Variants in KLRG1 observed in about 807,000 individuals in gnomAD.
KLRG1 encodes the protein killer cell lectin like receptor G1, also known as killer cell lectin-like receptor subfamily G member 1.
Under a neutral mutation model 21.8 loss-of-function variants are expected in KLRG1, and 16 were observed. The observed-to-expected ratio is 0.73, with a 90% confidence interval of 0.50 to 1.11. The LOEUF is 1.11. KLRG1 is among the 50% of genes most tolerant of loss of function. KLRG1 has a pLI of 0.00. For synonymous variants in KLRG1, 69 were observed against 75.9 expected (o/e 0.91, Z 0.47); for missense variants, 173 against 218.3 (o/e 0.79, Z 1.31).
chr12:9,120,886 T>TGTGTGTGTGTGTGTG, the KLRG1 span, among the ~76,000 whole-genome samples: 2 of 147,960 alleles, frequency 1.4e-5, no homozygotes, highest in Admixed American at 6.7e-5. Flanking sequence ...TGTGTGTGTA[T>TGTGTGTGTGTGTGTG]TTTTTTTTTT....
At chr12:9,074,325 G>A in the KLRG1 span, among the ~76,000 whole-genome samples, 1 of 152,130 alleles carries the variant, frequency 6.6e-6, no homozygotes, top group African/African-American at 2.4e-5. Context: ...GTTGTTATGG[G>A]AAATAGGAGA....
chr12:9,124,668 C>A, the KLRG1 span, among the ~76,000 whole-genome samples: 2 of 152,216 alleles, frequency 1.3e-5, no homozygotes, highest in African/African-American at 4.8e-5. Context: ...GCCGGGAAGA[C>A]CCTCCCCTTC....
the KLRG1 span, among the ~76,000 whole-genome samples, chr12:9,094,340 CATATATATATATATATATATATATAT>C: frequency 7.2e-5 from 7 of 97,018 alleles, no homozygotes; most frequent in East Asian, 3.7e-4. Context: ...AAAAATTGTG[CATATATATATATATATATATATATAT>C]ATATATATAC....
the KLRG1 span, among the ~76,000 whole-genome samples, chr12:9,085,417 G>A: frequency 2.0e-5 from 3 of 151,882 alleles, no homozygotes; most frequent in Non-Finnish European, 2.9e-5. Flanking sequence ...AACAGCCAAT[G>A]GGTCAATAAA....
the KLRG1 span, chr12:9,161,264 G>A: frequency 2.8e-5 from 17 of 610,618 alleles, no homozygotes; most frequent in Non-Finnish European, 4.4e-5. Context: ...GTGATGATTT[G>A]AGGAAAAAAC....
intron 1 of KLRG1, among the ~76,000 whole-genome samples, chr12:8,967,387 G>A (rs1439606278): frequency 1.3e-5 from 2 of 152,052 alleles, no homozygotes; most frequent in Non-Finnish European, 2.9e-5. Context: ...GTGTATAAGT[G>A]TAAAAGACAC....
At chr12:9,197,669 A>G in the KLRG1 span, among the ~76,000 whole-genome samples, 1 of 105,652 alleles carries the variant, frequency 9.5e-6, no homozygotes, top group East Asian at 2.4e-4. Flanking sequence ...AAATTATTAT[A>G]TATATTATAC....
the KLRG1 span, among the ~76,000 whole-genome samples, chr12:9,056,864 T>A: frequency 6.6e-6 from 1 of 152,230 alleles, no homozygotes; most frequent in Non-Finnish European, 1.5e-5. Context: ...CTTCATTTGC[T>A]GTTTAAAGAC....
intron 1 of KLRG1, among the ~76,000 whole-genome samples, chr12:8,962,240 G>C (rs769083734): frequency 2.0e-5 from 3 of 152,128 alleles, no homozygotes; most frequent in African/African-American, 7.2e-5. Flanking sequence ...AGAGAATAGA[G>C]GAAAATTGAA....
chr12:9,099,505 A>G, the KLRG1 span: 1 of 1,609,412 alleles, frequency 6.2e-7, no homozygotes, highest in Non-Finnish European at 8.5e-7. Context: ...AGGGATTGAG[A>G]TGGAAAAATG....
upstream of KLRG1, chr12:8,987,124 T>C (rs921807416): frequency 6.6e-6 from 1 of 152,192 alleles, no homozygotes; most frequent in African/African-American, 2.4e-5. Flanking sequence ...CCTTCCTTTT[T>C]TTAAAAAATG....
the KLRG1 span, chr12:9,115,309 A>G: frequency 6.4e-6 from 1 of 155,132 alleles, no homozygotes; most frequent in African/African-American, 2.4e-5. Flanking sequence ...TGCTTTTTCA[A>G]TATCAACACC....
chr12:8,951,749 T>C (rs1946209634), intron 1 of KLRG1, among the ~76,000 whole-genome samples: 1 of 152,214 alleles, frequency 6.6e-6, no homozygotes, highest in Admixed American at 6.5e-5. Flanking sequence ...AGAATTGATG[T>C]TCCTTTGTTG....
the KLRG1 span, among the ~76,000 whole-genome samples, chr12:9,190,014 A>G: frequency 6.6e-6 from 1 of 152,196 alleles, no homozygotes. Flanking sequence ...AAGGTTGTGG[A>G]GAAAAGGGAA....
the KLRG1 span, chr12:9,067,245 T>C: frequency 6.4e-6 from 1 of 156,410 alleles, no homozygotes; most frequent in Non-Finnish European, 1.4e-5. Flanking sequence ...AGCTCATCTA[T>C]TATTGAATCT....
chr12:9,206,904 A>G, the KLRG1 span, among the ~76,000 whole-genome samples: 1 of 152,190 alleles, frequency 6.6e-6, no homozygotes, highest in Non-Finnish European at 1.5e-5. Flanking sequence ...CGCTTTATCC[A>G]TTCAGTCTGC....
At chr12:9,169,779 T>A in the KLRG1 span, 1 of 481,054 alleles carries the variant, frequency 2.1e-6, no homozygotes, top group Non-Finnish European at 3.4e-6. Flanking sequence ...AAATGAAACC[T>A]ACTTGGGAAA....
chr12:9,170,227 G>A, the KLRG1 span: 1 of 152,160 alleles, frequency 6.6e-6, no homozygotes, highest in Non-Finnish European at 1.5e-5. The surrounding 1 kb of genome is among the most constrained non-coding windows in gnomAD (Gnocchi z 4.6). Flanking sequence ...AGCGGTGAGT[G>A]ATTGTGCGAC....
At chr12:9,150,574 A>T in the KLRG1 span, 1 of 1,016,596 alleles carries the variant, frequency 9.8e-7, no homozygotes, top group African/African-American at 1.6e-5. Flanking sequence ...GGCTAAGAAG[A>T]GGATCAACTG....
Sources: gnomAD v4.1 joint callset for allele counts (sites outside exome capture counted in the v4.1 genomes callset) on GRCh38, gnomAD v4.1.1 for gene constraint, Gnocchi (gnomAD v3.1) non-coding constraint, MANE v1.5 for transcripts, NCBI Gene and HGNC (gene_info 2026-07-23, HGNC 2026-07-21) for gene names.